The following AK9 variants were observed in gnomAD, a reference collection of about 807,000 sequenced individuals.
AK9 encodes the protein adenylate kinase domain containing 1.
In AK9, 191 loss-of-function variants were observed where a neutral mutation model predicts 239.6. The observed-to-expected ratio is 0.80, with a 90% CI of 0.71 to 0.90. The LOEUF is 0.90. Among genes scored for constraint, AK9 ranks in the 40% least tolerant of loss-of-function variants. The pLI is 0.00. For missense variants in AK9, 1,995 were observed against 2,214.7 expected, an observed-to-expected ratio of 0.90 and a Z score of 1.99; for synonymous variants, 689 against 721.0, an observed-to-expected ratio of 0.96 and a Z score of 0.71.
chr6:109,551,252 T>A (rs1784319346), intron 24 of AK9, among the ~76,000 whole-genome samples: 2 of 152,176 alleles, frequency 1.3e-5, no homozygotes, highest in African/African-American at 4.8e-5. Context: ...GTGCGGGGGC[T>A]CATGCCTGTA....
intron 8 of AK9, among the ~76,000 whole-genome samples, chr6:109,645,415 C>A (rs113514802): frequency 0.059 from 9,012 of 152,304 alleles, 279 homozygotes; most frequent in African/African-American, 0.085. Context: ...TATGCTGCGC[C>A]TGGCTCAGAG....
chr6:109,675,318 A>T (rs1367566305), intron 2 of AK9, among the ~76,000 whole-genome samples: 2 of 152,160 alleles, frequency 1.3e-5, no homozygotes, highest in Non-Finnish European at 2.9e-5. Flanking sequence ...CTCAATTATA[A>T]CATATAACAT....
At chr6:109,614,101 A>G in intron 15 of AK9, 82 bp downstream of exon 15, 1 of 1,345,848 alleles carries the variant, frequency 7.4e-7, no homozygotes, top group South Asian at 1.3e-5. Flanking sequence ...GGGTAATTTT[A>G]AGCATAAATA....
At chr6:109,597,606 G>C (rs1307964113) in intron 17 of AK9, among the ~76,000 whole-genome samples, 2 of 152,142 alleles carry the variant, frequency 1.3e-5, no homozygotes, top group Non-Finnish European at 2.9e-5. Flanking sequence ...CTGGGAGGCG[G>C]AGCTTGCAGT....
intron 21 of AK9, among the ~76,000 whole-genome samples, chr6:109,567,428 G>A (rs1361408029): frequency 6.6e-6 from 1 of 152,032 alleles, no homozygotes; most frequent in Non-Finnish European, 1.5e-5. Context: ...TGAAATTGAG[G>A]CAAAAATTAA....
Position 109,554,238 on chromosome 6 carries a change from T to G in AK9, c.2752-3936A>C, listed in dbSNP as rs569921399. 7.2e-4 allele frequency among the ~76,000 whole-genome samples: 110 copies of G among 152,290 alleles called. 1 individual carries two copies. Among genetic ancestry groups the G allele is most frequent in the African/African-American group, 2.4e-3 (100 of 41,568 alleles). On this transcript the variant is annotated intron_variant, in intron 24 of 40. Coordinates refer to ENST00000424296, the MANE Select transcript of AK9 (RefSeq NM_001145128.3). The stretch of plus-strand genomic sequence containing the variant: ...AATGAATTAGGGAGGAGTCTCTCCT[T>G]TTCAGTTGTTTGCAATAGTTTCAGA...
At position 109,577,904 on chromosome 6, in the gene AK9, C is replaced by CTTTCTG. The variant is rs1554260369; in HGVS notation, c.2191+1645_2191+1646insCAGAAA. 2.8e-4 allele frequency among the ~76,000 whole-genome samples: 39 copies of CTTTCTG among 137,224 alleles called. 1 individual carries two copies. The highest frequency in any genetic ancestry group is 1.1e-3 in the South Asian group (5 of 4,544). The allele number at this position is 137,224 out of a possible 152,430, so 90.0% of individuals were successfully genotyped here. On this transcript the variant is annotated intron_variant, in intron 20 of 40. Coordinates refer to ENST00000424296, the MANE Select transcript of AK9 (RefSeq NM_001145128.3). The stretch of plus-strand genomic sequence containing the variant: ...CTTCTTTCCTTCTCTCTCTCTTTCT[C>CTTTCTG]TCTTTCTTTCTTTCTTTCTTTTCTT...
chr6:109,657,485 A>G (rs2128312690), intron 7 of AK9, among the ~76,000 whole-genome samples: 1 of 152,140 alleles, frequency 6.6e-6, no homozygotes, highest in Non-Finnish European at 1.5e-5. Flanking sequence ...TTATCTAGAG[A>G]AATGGAATTT....
At chr6:109,573,168 C>T (rs1448576263) in intron 21 of AK9, among the ~76,000 whole-genome samples, 1 of 152,108 alleles carries the variant, frequency 6.6e-6, no homozygotes, top group Non-Finnish European at 1.5e-5. Context: ...ATTTTACTAC[C>T]TTTAATGACA....
intron 38 of AK9, among the ~76,000 whole-genome samples, chr6:109,496,943 A>G (rs1189381365): frequency 6.6e-6 from 1 of 152,134 alleles, no homozygotes; most frequent in Non-Finnish European, 1.5e-5. Context: ...GCATGAGTCC[A>G]TGAAACCGCA....
chr6:109,583,769 T>C (rs1394050312), intron 19 of AK9, among the ~76,000 whole-genome samples: 1 of 152,138 alleles, frequency 6.6e-6, no homozygotes, highest in Non-Finnish European at 1.5e-5. Context: ...TCTTTTCCTT[T>C]TTAAAAAAAG....
intron 31 of AK9, among the ~76,000 whole-genome samples, chr6:109,514,881 G>C (rs549616304): frequency 3.3e-5 from 5 of 152,228 alleles, no homozygotes; most frequent in African/African-American, 1.2e-4. Context: ...TTGAAGACAG[G>C]GCCTTTAATA....
At chr6:109,650,163 A>G (rs982942261) in intron 8 of AK9, among the ~76,000 whole-genome samples, 1 of 152,174 alleles carries the variant, frequency 6.6e-6, no homozygotes, top group African/African-American at 2.4e-5. Context: ...ACCATTCAGG[A>G]CAGAGGCATG....
Position 109,688,377 on chromosome 6 carries a change from GGCCAGCACCACT to G in AK9, c.-12+2758_-12+2769del, listed in dbSNP as rs1773827037. ...TTGTTTTTCCTACCTGCAGTGCCTT[GGCCAGCACCACT>G]ACCTAAAGGTTTAGAGTATGTCTCA... On this transcript the variant is annotated intron_variant, in intron 1 of 40. Coordinates refer to ENST00000424296, the MANE Select transcript of AK9 (RefSeq NM_001145128.3). Among the ~76,000 whole-genome samples, 3 of 152,118 alleles carry G rather than the reference GGCCAGCACCACT, an allele frequency of 2.0e-5. No individual in the cohort carries two copies. In the South Asian group the frequency reaches 6.2e-4, roughly 32 times the overall value.
At chr6:109,525,540 C>T (rs1186678042) in intron 29 of AK9, among the ~76,000 whole-genome samples, 1 of 152,054 alleles carries the variant, frequency 6.6e-6, no homozygotes, top group Admixed American at 6.6e-5. Flanking sequence ...TAGACACAGC[C>T]AACGAGCATA....
chr6:109,493,596 G>T, intron 40 of AK9, 25 bp from the exon 41 acceptor site: 1 of 1,585,172 alleles, frequency 6.3e-7, no homozygotes, highest in South Asian at 1.1e-5. Context: ...ACAGAACTGT[G>T]AATAATTTCT....
intron 29 of AK9, among the ~76,000 whole-genome samples, chr6:109,522,517 T>C (rs115790163): frequency 0.029 from 4,374 of 152,152 alleles, 100 homozygotes; most frequent in East Asian, 0.11. Context: ...TTTTCCTTTT[T>C]CTCAATTTAA....
intron 8 of AK9, among the ~76,000 whole-genome samples, chr6:109,646,927 C>T (rs1286690885): frequency 1.3e-5 from 2 of 152,120 alleles, no homozygotes; most frequent in Admixed American, 6.6e-5. Flanking sequence ...AGAGTGGGGG[C>T]CAATATTCAA....
intron 28 of AK9, 144 bp downstream of exon 28, chr6:109,533,107 A>G (rs1781497499): frequency 1.7e-6 from 1 of 596,872 alleles, no homozygotes; most frequent in Non-Finnish European, 2.6e-6. Flanking sequence ...CTCTTATTAT[A>G]GTCTTAATAT....
Sources: allele counts gnomAD v4.1 joint callset (sites outside exome capture counted in the v4.1 genomes callset), GRCh38; gene constraint gnomAD v4.1.1; transcripts MANE v1.5; gene names NCBI Gene and HGNC (gene_info 2026-07-23, HGNC 2026-07-21).